The following ERLIN2 variants were observed in gnomAD, a reference collection of about 807,000 sequenced individuals.
ERLIN2 encodes the protein ER lipid raft associated 2.
In ERLIN2, 22 loss-of-function variants were observed where a neutral mutation model predicts 41.5. The observed-to-expected ratio is 0.53, with a 90% CI of 0.38 to 0.76. The LOEUF is 0.76. Among genes scored for constraint, ERLIN2 ranks in the 30% least tolerant of loss-of-function variants. The probability of loss-of-function intolerance (pLI) is 0.00; values close to 1 mark genes in which losing one functional copy is unlikely to be tolerated. For synonymous variants in ERLIN2, 149 were observed against 150.9 expected (o/e 0.99, Z 0.09); for missense variants, 247 against 414.3 (o/e 0.60, Z 3.51).
At chr8:37,737,850 T>C (rs1330242479) in intron 1 of ERLIN2, 58 bp from the exon 2 acceptor site, 22 of 1,609,602 alleles carry the variant, frequency 1.4e-5, no homozygotes, top group Middle Eastern at 2.1e-4. Context: ...CCTCTCGCTG[T>C]TGTGGCCTTT....
intron 4 of ERLIN2, among the ~76,000 whole-genome samples, chr8:37,742,591 G>T (rs1207276273): frequency 6.6e-6 from 1 of 152,118 alleles, no homozygotes; most frequent in Non-Finnish European, 1.5e-5. Context: ...ACTTATAAGT[G>T]GGAACTGAAT....
intron 6 of ERLIN2, chr8:37,746,430 A>G (rs548261319): frequency 1.0e-6 from 1 of 985,398 alleles, no homozygotes; most frequent in East Asian, 1.1e-4. Flanking sequence ...TTGAATGGAT[A>G]AAAACATGGA....
At chr8:37,745,950 A>G (rs1217834082) in intron 6 of ERLIN2, 3 of 1,072,990 alleles carry the variant, frequency 2.8e-6, no homozygotes, top group South Asian at 7.0e-5. Flanking sequence ...CTGAAAAAAG[A>G]CAAAGGATCC....
Position 37,753,517 on chromosome 8 carries a change from C to G in ERLIN2, c.807C>G (p.Ala269=), listed in dbSNP as rs767299905. 4 of 1,613,746 alleles carry G rather than the reference C, an allele frequency of 2.5e-6. No homozygotes were observed. The highest frequency in any genetic ancestry group is 1.1e-5 in the South Asian group (1 of 91,082). Residue 269 remains alanine, a synonymous_variant, in exon 11 of 12, where the codon GCC becomes GCG. Coordinates refer to ENST00000519638, the MANE Select transcript of ERLIN2 (RefSeq NM_007175.8). ...AGTGCTACACTGCTATGAAAATAGC[C>G]GAAGCCAATAAGGTAAAGACCCCGC... ...DAECYTAMKI[A]EANKLKLTPE... is the part of the protein sequence containing the mutation.
At position 37,751,675 on chromosome 8, in the gene ERLIN2, G is replaced by A; in HGVS notation, c.699G>A (p.Val233=). 6.2e-7 allele frequency: 1 copy of A among 1,614,020 alleles called. No individual in the cohort carries two copies. Among genetic ancestry groups the A allele is most frequent in the Non-Finnish European group, 8.5e-7 (1 of 1,179,860 alleles). Residue 233 remains valine (V), a synonymous_variant, in exon 10 of 12, where the codon GTG becomes GTA. Transcript: ENST00000519638. ...QVAEITYGQK[V]MEKETEKKIS... ...CTGAGATCACCTACGGGCAGAAGGT[G>A]ATGGAGAAGGAGACTGAGAAGAAGA...
rs1803396724 is a variant in ERLIN2 at position 37,757,989 on chromosome 8, T to C, written c.*3874T>C. The C allele has an allele frequency of 6.6e-6, 1 of 152,178 alleles. No individual in the cohort carries two copies. Among genetic ancestry groups the C allele is most frequent in the Non-Finnish European group, 1.5e-5 (1 of 68,030 alleles). 9.4% of individuals were successfully genotyped at this position (152,178 alleles called of 1,614,324 possible). A position where few individuals can be genotyped will look rare whatever the true frequency, so the allele number is the denominator to read the frequency against. ...CTCTGGAAAGCTGCCCAGCTTAGGG[T>C]TGCCAGATAAAACATAAGATACCTA... On this transcript the variant is annotated 3_prime_UTR_variant, in exon 12 of 12. Transcript: ENST00000519638.
rs757941724 is a variant in ERLIN2 at position 37,744,350 on chromosome 8, A to G, written c.237-5A>G. 4 of 1,613,052 alleles carry G rather than the reference A, an allele frequency of 2.5e-6. No individual in the cohort carries two copies. Among genetic ancestry groups the G allele is most frequent in the East Asian group, 2.2e-5 (1 of 44,888 alleles). ...GTGACTTCTTGTCCATTCTCCCTCC[A>G]ATAGTGGTGGTGTGATGATCTACTT... is the stretch of plus-strand genomic sequence containing the variant. On this transcript the variant is annotated splice_region_variant and splice_polypyrimidine_tract_variant and intron_variant, in intron 4 of 11. Transcript: ENST00000519638.
At chr8:37,739,709 A>G (rs1292003103) in intron 2 of ERLIN2, among the ~76,000 whole-genome samples, 1 of 151,976 alleles carries the variant, frequency 6.6e-6, no homozygotes, top group Non-Finnish European at 1.5e-5. Flanking sequence ...TCCTGACCTA[A>G]TAATCCACTC....
At chr8:37,753,706 T>G (rs1467712466) in intron 11 of ERLIN2, among the ~76,000 whole-genome samples, 177 bp downstream of exon 11, 2 of 152,186 alleles carry the variant, frequency 1.3e-5, no homozygotes, top group African/African-American at 4.8e-5. Context: ...TTGATAGAAG[T>G]TTAGTTTAAT....
Position 37,741,752 on chromosome 8 carries a change from T to A in ERLIN2, c.190-20T>A. 6.2e-7 allele frequency: 1 copy of A among 1,606,662 alleles called. No individual in the cohort carries two copies. The highest frequency in any genetic ancestry group is 8.5e-7 in the Non-Finnish European group (1 of 1,173,138). ...TGTCACTGCCCATCTTCTAGCACTTTATGTTTCCTCTGTTTCCAGACCACA... is the reference window on the plus strand; with the variant it reads ...TGTCACTGCCCATCTTCTAGCACTTAATGTTTCCTCTGTTTCCAGACCACA... On this transcript the variant is annotated intron_variant, in intron 3 of 11. Transcript: ENST00000519638. The surrounding 1 kb of genome is among the most constrained non-coding windows in gnomAD (Gnocchi z 4.8).
intron 4 of ERLIN2, among the ~76,000 whole-genome samples, chr8:37,742,662 G>C (rs545343945): frequency 2.0e-4 from 30 of 152,264 alleles, no homozygotes; most frequent in African/African-American, 7.0e-4. Context: ...CAGTGGATAG[G>C]GGGTGGGGAG....
rs1802714616 is a variant in ERLIN2 at position 37,738,008 on chromosome 8, G to C, written c.86G>C (p.Gly29Ala). The C allele has an allele frequency of 6.2e-7, 1 of 1,614,078 alleles. No homozygotes were observed. The highest frequency in any genetic ancestry group is 1.7e-5 in the Admixed American group (1 of 60,012). ...LFSAVHKIEE[G>A]HIGVYYRGGA... The stretch of plus-strand genomic sequence containing the variant: ...TCAGCTGTGCACAAGATAGAAGAGG[G>C]ACATATTGGGGTATATTACAGGTAA... Residue 29 changes from glycine to alanine, a missense_variant, in exon 2 of 12, where the codon GGA becomes GCA. By Grantham distance (60) the Gly-to-Ala change is moderately conservative (BLOSUM62 0). Around this residue, in one of 3 missense-constraint regions of ERLIN2, gnomAD observed 93 missense variants for 139.0 expected, o/e 0.67. Transcript: ENST00000519638.
intron 10 of ERLIN2, among the ~76,000 whole-genome samples, chr8:37,752,915 G>A (rs1047859636): frequency 1.3e-5 from 2 of 151,844 alleles, no homozygotes; most frequent in African/African-American, 2.4e-5. Flanking sequence ...GGAAATAAAA[G>A]GGAATTGAAG....
At chr8:37,747,674 C>T (rs1803097552) in intron 6 of ERLIN2, 2 of 1,595,190 alleles carry the variant, frequency 1.3e-6, no homozygotes, top group Non-Finnish European at 1.7e-6. Context: ...ATGAAGGTAA[C>T]GGGAGCATTC....
In ERLIN2 at chr8:37,740,392, C is replaced by T. The variant is rs369660119; in HGVS notation, c.135C>T (p.Ser45=). The change falls in exon 3 of 12, where the codon AGC becomes AGT. Residue 45 remains serine (S), a synonymous_variant. Coordinates refer to ENST00000519638, the MANE Select transcript of ERLIN2 (RefSeq NM_007175.8). ...GCGGTGCCCTGCTGACTTCGACCAG[C>T]GGCCCTGGTTTCCATCTCATGCTCC... The part of the protein sequence containing the change: ...YRGGALLTST[S]GPGFHLMLPF... The T allele has an allele frequency of 9.9e-6, 16 of 1,612,494 alleles. No individual in the cohort carries two copies. The highest frequency in any genetic ancestry group is 2.7e-5 in the African/African-American group (2 of 74,794).
chr8:37,746,925 A>G lies in ERLIN2; in HGVS notation c.424+2229A>G, dbSNP rs138288797. Among the ~76,000 whole-genome samples, 805 of 152,342 alleles carry G rather than the reference A, an allele frequency of 5.3e-3. 6 individuals carry two copies. Among genetic ancestry groups the G allele is most frequent in the Admixed American group, 0.011 (161 of 15,304 alleles). On this transcript the variant is annotated intron_variant, in intron 6 of 11. Transcript: ENST00000519638. ...AGGATCTGACTTGCTATACCTAAAT[A>G]TAATTCACGCTGCTTTTCTCTATGA...
In ERLIN2 at chr8:37,758,275, T is replaced by C. The variant is rs1031178003; in HGVS notation, c.*4160T>C. On this transcript the variant is annotated 3_prime_UTR_variant, in exon 12 of 12. Transcript: ENST00000519638. Reference sequence around the variant, plus strand: ...TATGATCTTAACAATTGAATAGTTATGTTAAGAGTGTAGTTACTGCAGTTA... The same window carrying C: ...TATGATCTTAACAATTGAATAGTTACGTTAAGAGTGTAGTTACTGCAGTTA... 4 of 152,210 alleles carry C rather than the reference T, an allele frequency of 2.6e-5. No individual in the cohort carries two copies. The highest frequency in any genetic ancestry group is 9.6e-5 in the African/African-American group (4 of 41,456). The allele number at this position is 152,210 out of a possible 1,614,324, so 9.4% of individuals were successfully genotyped here. A position where few individuals can be genotyped will look rare whatever the true frequency, so the allele number is the denominator to read the frequency against.
intron 10 of ERLIN2, among the ~76,000 whole-genome samples, chr8:37,752,683 A>G (rs1332264809): frequency 1.3e-5 from 2 of 152,204 alleles, no homozygotes; most frequent in Non-Finnish European, 2.9e-5. Context: ...TACTCACATG[A>G]GGCTGGCCCG....
rs1802816750 is a variant in ERLIN2 at position 37,740,583 on chromosome 8, A to T, written c.189+137A>T. 11 of 253,776 alleles carry T rather than the reference A, an allele frequency of 4.3e-5. No homozygotes were observed. In the South Asian group the frequency reaches 5.0e-4, roughly 12 times the overall value. The allele number at this position is 253,776 out of a possible 1,614,324, so 15.7% of individuals were successfully genotyped here. A position where few individuals can be genotyped will look rare whatever the true frequency, so the allele number is the denominator to read the frequency against. ...GATATAAGGATAATATATACATATT[A>T]TATATATATAATATATATATATATA... On this transcript the variant is annotated intron_variant, in intron 3 of 11. Coordinates refer to ENST00000519638, the MANE Select transcript of ERLIN2 (RefSeq NM_007175.8).
Sources: gnomAD v4.1 joint callset for allele counts (sites outside exome capture counted in the v4.1 genomes callset) on GRCh38, gnomAD v4.1.1 for gene constraint, gnomAD v4.1.1 regional missense constraint, Gnocchi (gnomAD v3.1) non-coding constraint, MANE v1.5 for transcripts, NCBI Gene and HGNC (gene_info 2026-07-23, HGNC 2026-07-21) for gene names.